The following SNX18 variants were observed in gnomAD, a reference collection of about 807,000 sequenced individuals.
SNX18 encodes the protein sorting nexin-18.
A neutral mutation model predicts 48.7 loss-of-function variants in SNX18; 35 were observed. The ratio of observed to expected loss-of-function variants is 0.72; its 90% CI spans 0.55 to 0.95. The LOEUF (loss-of-function observed/expected upper bound fraction) is 0.95. Ranked by LOEUF, SNX18 falls within the 40% of genes least tolerant of loss-of-function variation. The pLI, the probability that SNX18 is intolerant of heterozygous loss-of-function variation, is 0.00. For synonymous variants in SNX18, 492 were observed against 384.7 expected (o/e 1.28, Z -3.26); for missense variants, 824 against 871.0 (o/e 0.95, Z 0.68).
At chr5:54,595,541 A>G in the SNX18 span, among the ~76,000 whole-genome samples, 1 of 152,148 alleles carries the variant, frequency 6.6e-6, no homozygotes, top group South Asian at 2.1e-4. Flanking sequence ...AGCCTGCTTT[A>G]AGTTCTTTCA....
the SNX18 span, among the ~76,000 whole-genome samples, chr5:54,596,592 C>T: frequency 2.0e-5 from 3 of 152,172 alleles, no homozygotes; most frequent in South Asian, 6.2e-4. Flanking sequence ...GCAGCAGAGG[C>T]CATCTGTAGC....
chr5:54,526,954 A>G (rs958744935), intron 1 of SNX18, among the ~76,000 whole-genome samples: 9 of 152,040 alleles, frequency 5.9e-5, no homozygotes, highest in Non-Finnish European at 1.0e-4. Context: ...CCAAGCAGGT[A>G]TCTCGGGGGA....
At chr5:54,555,315 C>G in the SNX18 span, among the ~76,000 whole-genome samples, 1 of 152,034 alleles carries the variant, frequency 6.6e-6, no homozygotes, top group Admixed American at 6.5e-5. Flanking sequence ...TCCTCCTTCT[C>G]TAGTCAGTTG....
chr5:54,545,668 T>A lies in SNX18; in HGVS notation c.*2236T>A, dbSNP rs1580112490. 6.6e-6 allele frequency: 1 copy of A among 152,198 alleles called. No individual in the cohort carries two copies. The highest frequency in any genetic ancestry group is 1.9e-4 in the East Asian group (1 of 5,198). The allele number at this position is 152,198 out of a possible 1,614,324, so 9.4% of individuals were successfully genotyped here. On this transcript the variant is annotated 3_prime_UTR_variant, in exon 2 of 2. Coordinates refer to ENST00000381410, the MANE Select transcript of SNX18 (RefSeq NM_001102575.2). ...ATTCATACGGGATTTACATTAATTC[T>A]ATGGGGGAGGACACTAGAATTATTA...
the SNX18 span, among the ~76,000 whole-genome samples, chr5:54,627,065 A>G: frequency 6.6e-6 from 1 of 152,332 alleles, no homozygotes; most frequent in African/African-American, 2.4e-5. Context: ...TTGTGTTCTC[A>G]TAGAGCAATG....
At chr5:54,607,794 C>T in the SNX18 span, among the ~76,000 whole-genome samples, 3 of 151,942 alleles carry the variant, frequency 2.0e-5, no homozygotes, top group Non-Finnish European at 2.9e-5. Flanking sequence ...ATTAACCGGG[C>T]GTGGTGGTGG....
Position 54,526,941 on chromosome 5 carries a change from C to T in SNX18, c.1621+7368C>T, listed in dbSNP as rs187250711. Among the ~76,000 whole-genome samples, 278 of 151,480 alleles carry T rather than the reference C, an allele frequency of 1.8e-3. 1 individual carries two copies. The highest frequency in any genetic ancestry group is 3.4e-3 in the Middle Eastern group (1 of 292). ...TGAATCACTCTGGAGTCAGGAGAGTCGTCCAAGCAGGTATCTCGGGGGAGA... is the reference window on the plus strand; with the variant it reads ...TGAATCACTCTGGAGTCAGGAGAGTTGTCCAAGCAGGTATCTCGGGGGAGA... On this transcript the variant is annotated intron_variant, in intron 1 of 1. Transcript: ENST00000381410.
the SNX18 span, among the ~76,000 whole-genome samples, chr5:54,582,744 G>A: frequency 6.6e-6 from 1 of 152,070 alleles, no homozygotes; most frequent in Non-Finnish European, 1.5e-5. Flanking sequence ...GTGAGCTACG[G>A]CAACAGAGTA....
intron 1 of SNX18, among the ~76,000 whole-genome samples, chr5:54,536,536 A>G (rs766667584): frequency 7.0e-4 from 106 of 152,134 alleles, no homozygotes; most frequent in Non-Finnish European, 1.1e-3. Context: ...AGCTTCATCC[A>G]TGTCCCTACA....
the SNX18 span, among the ~76,000 whole-genome samples, chr5:54,603,360 C>T: frequency 1.3e-5 from 2 of 152,152 alleles, no homozygotes; most frequent in East Asian, 3.9e-4. Flanking sequence ...CCCACCTTGG[C>T]TTCCCAAAGT....
chr5:54,634,516 C>T, the SNX18 span, among the ~76,000 whole-genome samples: 11 of 151,960 alleles, frequency 7.2e-5, no homozygotes, highest in East Asian at 1.9e-4. Context: ...TAAAACATTA[C>T]GAAATTTTTT....
the SNX18 span, among the ~76,000 whole-genome samples, chr5:54,555,518 G>A: frequency 1.1e-3 from 173 of 152,044 alleles, no homozygotes; most frequent in Non-Finnish European, 1.9e-3. Flanking sequence ...CTAATGCCTG[G>A]CATATCTATA....
chr5:54,528,908 G>A (rs1762198569), intron 1 of SNX18, among the ~76,000 whole-genome samples: 1 of 152,178 alleles, frequency 6.6e-6, no homozygotes, highest in Non-Finnish European at 1.5e-5. Flanking sequence ...AGAAAATGGG[G>A]CCCCACCCTG....
At chr5:54,520,014 C>A (rs891449254) in intron 1 of SNX18, 1 of 587,636 alleles carries the variant, frequency 1.7e-6, no homozygotes, top group Non-Finnish European at 3.0e-6. Context: ...AAATAGAAAT[C>A]TGCTTTCACC....
At chr5:54,541,942 C>CACT (rs1206081522) in intron 1 of SNX18, among the ~76,000 whole-genome samples, 1 of 152,134 alleles carries the variant, frequency 6.6e-6, no homozygotes, top group East Asian at 1.9e-4. Context: ...ATTTCCGAAA[C>CACT]AAAGTCTCTC....
chr5:54,557,120 T>G, the SNX18 span, among the ~76,000 whole-genome samples: 4 of 152,234 alleles, frequency 2.6e-5, no homozygotes, highest in African/African-American at 9.6e-5. Context: ...GATGAACATT[T>G]TCTTGCTAGC....
At chr5:54,603,870 G>A in the SNX18 span, among the ~76,000 whole-genome samples, 1 of 152,198 alleles carries the variant, frequency 6.6e-6, no homozygotes, top group African/African-American at 2.4e-5. Flanking sequence ...TGTGCTAAAT[G>A]CTATGGTTAC....
the SNX18 span, among the ~76,000 whole-genome samples, chr5:54,611,333 C>T: frequency 1.3e-5 from 2 of 152,212 alleles, no homozygotes; most frequent in African/African-American, 4.8e-5. Flanking sequence ...CCAAGATGGT[C>T]CTTTCCCCAC....
At chr5:54,592,309 C>T in the SNX18 span, among the ~76,000 whole-genome samples, 3 of 152,150 alleles carry the variant, frequency 2.0e-5, no homozygotes, top group Admixed American at 6.5e-5. Context: ...CTCCACCTCA[C>T]GACACTCTTC....
Sources: allele counts gnomAD v4.1 joint callset (sites outside exome capture counted in the v4.1 genomes callset), GRCh38; gene constraint gnomAD v4.1.1; transcripts MANE v1.5; gene names NCBI Gene and HGNC (gene_info 2026-07-23, HGNC 2026-07-21).